Variants in EPB41L4A observed in about 807,000 individuals in gnomAD.
EPB41L4A encodes the protein erythrocyte membrane protein band 4.1 like 4A, also known as band 4.1-like protein 4A.
Under a neutral mutation model 108.6 loss-of-function variants are expected in EPB41L4A, and 100 were observed. The ratio of observed to expected loss-of-function variants is 0.92; its 90% CI spans 0.78 to 1.09. The LOEUF is 1.09. Ranked by LOEUF, EPB41L4A falls within the 50% of genes least tolerant of loss-of-function variation. The pLI is 0.00. For synonymous variants in EPB41L4A, 319 were observed against 289.0 expected (o/e 1.10, Z -1.05); for missense variants, 1,030 against 842.7 (o/e 1.22, Z -2.75).
In EPB41L4A at chr5:112,307,550, A is replaced by C. The variant is rs1368508911; in HGVS notation, c.100-60T>G. 4 of 1,084,440 alleles carry C rather than the reference A, an allele frequency of 3.7e-6. No individual in the cohort carries two copies. The Admixed American group carries it at 5.5e-5, about 15-fold the overall frequency. The allele number at this position is 1,084,440 out of a possible 1,614,324, so 67.2% of individuals were successfully genotyped here. A position where few individuals can be genotyped will look rare whatever the true frequency, so the allele number is the denominator to read the frequency against. On this transcript the variant is annotated intron_variant, in intron 1 of 22. Transcript: ENST00000261486. ...GCCCTTTTGTTCCTAAGTAGTACAC[A>C]GTCATGGTTCTCATCTTTTATTAGT...
chr5:112,145,739 G>A (rs59723907), intron 13 of EPB41L4A: 9,218 of 300,270 alleles, frequency 0.031, 753 homozygotes, highest in African/African-American at 0.18. Flanking sequence ...TTTGATAAAC[G>A]TGCATACAAC....
intron 1 of EPB41L4A, among the ~76,000 whole-genome samples, chr5:112,346,029 A>C (rs1486558931): frequency 6.6e-6 from 1 of 151,962 alleles, no homozygotes; most frequent in East Asian, 1.9e-4. Context: ...TTAATGTAAT[A>C]GTCTTAGATT....
intron 9 of EPB41L4A, among the ~76,000 whole-genome samples, chr5:112,244,877 G>A (rs73229367): frequency 0.01 from 1,541 of 152,168 alleles, 28 homozygotes; most frequent in African/African-American, 0.035. Flanking sequence ...TCAAGCGCCC[G>A]TGCCCTTGTT....
chr5:112,235,939 A>T (rs1369140191), intron 11 of EPB41L4A, among the ~76,000 whole-genome samples: 1 of 152,192 alleles, frequency 6.6e-6, no homozygotes, highest in Admixed American at 6.5e-5. Flanking sequence ...GGTACACAGG[A>T]TAACATAGAT....
chr5:112,152,197 G>GA lies in EPB41L4A; in HGVS notation n.995-6200dup, dbSNP rs201632630. Among the ~76,000 whole-genome samples, 800 of 144,714 alleles carry GA rather than the reference G, an allele frequency of 5.5e-3. 2 individuals are homozygous for GA. The highest frequency in any genetic ancestry group is 0.011 in the African/African-American group (421 of 39,298). The allele number at this position is 144,714 out of a possible 152,430, so 94.9% of individuals were successfully genotyped here. A position where few individuals can be genotyped will look rare whatever the true frequency, so the allele number is the denominator to read the frequency against. ...GACCAAAATATAAAAAAAGAAAAGA[G>GA]AAAAAAAAACATAGAAGAAAGAGAG... On this transcript the variant is annotated intron_variant and non_coding_transcript_variant, in intron 12 of 13. Transcript: ENST00000507810.
At position 112,227,998 on chromosome 5, in the gene EPB41L4A, G is replaced by A. The variant is rs527708349; in HGVS notation, c.1087+6636C>T. On this transcript the variant is annotated intron_variant, in intron 12 of 22. Coordinates refer to ENST00000261486, the MANE Select transcript of EPB41L4A (RefSeq NM_022140.5). The stretch of plus-strand genomic sequence containing the variant: ...GACCTACTAACTACAAAGTGCTCAC[G>A]TCTGGAGTAATGGAGTGTTTGAATC... 1.6e-4 allele frequency among the ~76,000 whole-genome samples: 24 copies of A among 152,270 alleles called. No individual in the cohort carries two copies. In the East Asian group the frequency reaches 1.9e-3, roughly 12 times the overall value.
chr5:112,360,423 A>AAG (rs1758646680), intron 1 of EPB41L4A, among the ~76,000 whole-genome samples: 1 of 151,452 alleles, frequency 6.6e-6, no homozygotes, highest in Non-Finnish European at 1.5e-5. Flanking sequence ...GCAGGCGCGC[A>AAG]CCGCCACGCC....
chr5:112,320,866 G>A (rs1172317197), intron 1 of EPB41L4A, among the ~76,000 whole-genome samples: 3 of 152,138 alleles, frequency 2.0e-5, no homozygotes, highest in African/African-American at 4.8e-5. Context: ...CCAGCTTACA[G>A]GTGTCTTCCA....
chr5:112,180,801 C>A (rs939145332), intron 18 of EPB41L4A, among the ~76,000 whole-genome samples: 2 of 152,018 alleles, frequency 1.3e-5, no homozygotes, highest in African/African-American at 4.8e-5. Context: ...TCATTCATAA[C>A]GTGCATATCT....
At chr5:112,272,597 T>C (rs902450565) in intron 4 of EPB41L4A, among the ~76,000 whole-genome samples, 2 of 151,686 alleles carry the variant, frequency 1.3e-5, no homozygotes, top group Non-Finnish European at 2.9e-5. Flanking sequence ...CTGCCCAACA[T>C]GGCGAAACCC....
rs76882079 is a variant in EPB41L4A, at chr5:112,205,534, A to G, written c.1179-30T>C. ...AATTTTAAAAAAAAGTATGAGAAATAAATTAAGTAGAAAATAAAAGTAAAC... is the reference window on the plus strand; with the variant it reads ...AATTTTAAAAAAAAGTATGAGAAATGAATTAAGTAGAAAATAAAAGTAAAC... On this transcript the variant is annotated intron_variant, in intron 13 of 22. Transcript: ENST00000261486. The G allele has an allele frequency of 5.4e-5, 81 of 1,497,778 alleles. No homozygotes were observed. The African/African-American group carries it at 9.5e-4, about 18-fold the overall frequency. The allele number at this position is 1,497,778 out of a possible 1,614,324, so 92.8% of individuals were successfully genotyped here. A position where few individuals can be genotyped will look rare whatever the true frequency, so the allele number is the denominator to read the frequency against.
chr5:112,376,512 C>A (rs951254403), intron 1 of EPB41L4A, among the ~76,000 whole-genome samples: 5 of 152,192 alleles, frequency 3.3e-5, no homozygotes, highest in African/African-American at 1.2e-4. Context: ...CCATATAACC[C>A]AGCTTTTGCT....
intron 17 of EPB41L4A, among the ~76,000 whole-genome samples, chr5:112,187,238 TAACA>T (rs1425985841): frequency 6.6e-6 from 1 of 152,238 alleles, no homozygotes; most frequent in Non-Finnish European, 1.5e-5. Flanking sequence ...CTCAATAAAC[TAACA>T]AACATTTATT....
chr5:112,178,290 G>C (rs529803952), intron 18 of EPB41L4A, among the ~76,000 whole-genome samples: 3 of 152,052 alleles, frequency 2.0e-5, no homozygotes, highest in African/African-American at 7.2e-5. Flanking sequence ...TAACACCAGA[G>C]CTTCAAAATA....
chr5:112,244,744 C>A (rs545005377), intron 9 of EPB41L4A, among the ~76,000 whole-genome samples: 18 of 152,258 alleles, frequency 1.2e-4, no homozygotes, highest in Admixed American at 2.0e-4. Context: ...GATGGACCCA[C>A]CATTTTGAAA....
intron 15 of EPB41L4A, among the ~76,000 whole-genome samples, chr5:112,200,138 C>T (rs560372677): frequency 1.0e-3 from 153 of 152,336 alleles, no homozygotes; most frequent in African/African-American, 3.6e-3. Flanking sequence ...TAAACACTGG[C>T]CTTTTTCGTT....
At chr5:112,153,688 A>T (rs1277795782) in intron 12 of EPB41L4A, among the ~76,000 whole-genome samples, 2 of 151,580 alleles carry the variant, frequency 1.3e-5, no homozygotes, top group East Asian at 3.9e-4. Context: ...GATCAAGCAG[A>T]TTACAAATCA....
chr5:112,335,762 A>C (rs1377603932), intron 1 of EPB41L4A, among the ~76,000 whole-genome samples: 2 of 152,188 alleles, frequency 1.3e-5, no homozygotes, highest in Non-Finnish European at 2.9e-5. Context: ...TCTGGTTTAA[A>C]ATTCTTCAAT....
intron 1 of EPB41L4A, among the ~76,000 whole-genome samples, chr5:112,407,799 T>C (rs1762156127): frequency 6.6e-6 from 1 of 152,182 alleles, no homozygotes; most frequent in Admixed American, 6.6e-5. Context: ...TACAAAAGCA[T>C]TAGCAGCAGC....
Sources: allele counts gnomAD v4.1 joint callset (sites outside exome capture counted in the v4.1 genomes callset), GRCh38; gene constraint gnomAD v4.1.1; transcripts MANE v1.5; gene names NCBI Gene and HGNC (gene_info 2026-07-23, HGNC 2026-07-21).